The following SLC24A3 variants were observed in gnomAD, a reference collection of about 807,000 sequenced individuals.
SLC24A3 encodes the protein solute carrier family 24 member 3.
Under a neutral mutation model 75.8 loss-of-function variants are expected in SLC24A3, and 28 were observed. That is an observed-to-expected ratio of 0.37 (90% CI 0.27 to 0.51). The LOEUF is 0.51. SLC24A3 is among the 20% of genes least tolerant of loss of function. The probability of loss-of-function intolerance (pLI) is 0.94; values close to 1 mark genes in which losing one functional copy is unlikely to be tolerated. For synonymous variants in SLC24A3, 372 were observed against 334.1 expected, an observed-to-expected ratio of 1.11 and a Z score of -1.24; for missense variants, 663 against 847.8, an observed-to-expected ratio of 0.78 and a Z score of 2.71.
At chr20:19,313,555 G>A (rs1288305465) in intron 2 of SLC24A3, among the ~76,000 whole-genome samples, 1 of 152,204 alleles carries the variant, frequency 6.6e-6, no homozygotes, top group Non-Finnish European at 1.5e-5. Flanking sequence ...AGCCTGTTCT[G>A]GGTCAGTGGC....
At chr20:19,575,112 C>T (rs772399283) in intron 3 of SLC24A3, among the ~76,000 whole-genome samples, 4 of 151,836 alleles carry the variant, frequency 2.6e-5, no homozygotes, top group African/African-American at 4.8e-5. Flanking sequence ...AAATGAAGGG[C>T]GTGGTGGCAC....
chr20:19,357,368 C>T (rs4813353), intron 2 of SLC24A3, among the ~76,000 whole-genome samples: 51,769 of 151,978 alleles, frequency 0.34, 9,471 homozygotes, highest in Middle Eastern at 0.53. Context: ...TAATTTGTTC[C>T]GGAAGCCTAG....
rs368651686 is a variant in SLC24A3, at chr20:19,502,868, C to CAAA, written c.272-12599_272-12597dup. 6.9e-3 allele frequency among the ~76,000 whole-genome samples: 494 copies of CAAA among 72,106 alleles called. 9 individuals are homozygous for CAAA. The highest frequency in any genetic ancestry group is 0.019 in the South Asian group (35 of 1,862). 47.3% of individuals were successfully genotyped at this position (72,106 alleles called of 152,430 possible). A position where few individuals can be genotyped will look rare whatever the true frequency, so the allele number is the denominator to read the frequency against. On this transcript the variant is annotated intron_variant, in intron 2 of 16. Coordinates refer to ENST00000328041, the MANE Select transcript of SLC24A3 (RefSeq NM_020689.4). ...TGACATAGCAAGACCCTGTCTCTACCAAAAAAAAAAAAAAAAAAAAAAATA... is the reference window on the plus strand; with the variant it reads ...TGACATAGCAAGACCCTGTCTCTACCAAAAAAAAAAAAAAAAAAAAAAAAAATA...
chr20:19,462,401 C>T (rs955991706), intron 2 of SLC24A3, among the ~76,000 whole-genome samples: 6 of 151,880 alleles, frequency 4.0e-5, no homozygotes, highest in Admixed American at 6.6e-5. Flanking sequence ...GGACTACGGG[C>T]GCCTGACACC....
intron 1 of SLC24A3, among the ~76,000 whole-genome samples, chr20:19,252,707 T>C (rs1254603230): frequency 1.3e-5 from 2 of 151,228 alleles, no homozygotes; most frequent in Non-Finnish European, 2.9e-5. Context: ...GTACATTCAT[T>C]TGTATGTGAC....
intron 6 of SLC24A3, among the ~76,000 whole-genome samples, chr20:19,648,199 G>A (rs1325318523): frequency 6.6e-6 from 1 of 152,168 alleles, no homozygotes; most frequent in Non-Finnish European, 1.5e-5. Context: ...CTGAACTTCA[G>A]CACCACTTGG....
Position 19,696,670 on chromosome 20 carries a change from A to G in SLC24A3, c.1492-127A>G. 5 of 647,758 alleles carry G rather than the reference A, an allele frequency of 7.7e-6. No individual in the cohort carries two copies. The South Asian group carries it at 9.3e-5, about 12-fold the overall frequency. 40.1% of individuals were successfully genotyped at this position (647,758 alleles called of 1,614,324 possible). On this transcript the variant is annotated intron_variant, in intron 13 of 16. Coordinates refer to ENST00000328041, the MANE Select transcript of SLC24A3 (RefSeq NM_020689.4). ...TTTGTCACCCTCTGTATTGATACAGAGAGCAGACATTGCACCCCACAGAGA... is the reference window on the plus strand; with the variant it reads ...TTTGTCACCCTCTGTATTGATACAGGGAGCAGACATTGCACCCCACAGAGA...
chr20:19,459,223 A>G (rs540201421), intron 2 of SLC24A3, among the ~76,000 whole-genome samples: 13 of 152,336 alleles, frequency 8.5e-5, no homozygotes, highest in South Asian at 2.1e-4. Flanking sequence ...TTTTAAAGAG[A>G]TATTTAGCAT....
intron 6 of SLC24A3, among the ~76,000 whole-genome samples, chr20:19,620,962 C>G (rs951096976): frequency 6.6e-6 from 1 of 152,164 alleles, no homozygotes; most frequent in Non-Finnish European, 1.5e-5. Flanking sequence ...AGGCTTCTTA[C>G]TAGAAAAGTA....
chr20:19,229,616 TG>T (rs1167145754), intron 1 of SLC24A3, among the ~76,000 whole-genome samples: 1 of 88,720 alleles, frequency 1.1e-5, no homozygotes, highest in Non-Finnish European at 2.0e-5. Context: ...AGTGTGTGTG[TG>T]TATATATATA....
intron 2 of SLC24A3, among the ~76,000 whole-genome samples, chr20:19,286,389 A>G (rs754413660): frequency 3.3e-5 from 5 of 152,118 alleles, no homozygotes; most frequent in African/African-American, 1.2e-4. Flanking sequence ...AGCAGAAAAC[A>G]TGCGTTCAGG....
In SLC24A3 at chr20:19,212,724, A is replaced by G; in HGVS notation, c.-119A>G. ...GAGGCGGAGGCGGCGGCCGGGTGGG[A>G]GCGCAGCGAGGACGCGCGGCTGCTG... On this transcript the variant is annotated 5_prime_UTR_variant, in exon 1 of 17. Transcript: ENST00000328041. The G allele has an allele frequency of 1.3e-6, 1 of 793,464 alleles. No individual in the cohort carries two copies. Among genetic ancestry groups the G allele is most frequent in the Non-Finnish European group, 1.5e-6 (1 of 657,144 alleles). The allele number at this position is 793,464 out of a possible 1,614,324, so 49.2% of individuals were successfully genotyped here. A position where few individuals can be genotyped will look rare whatever the true frequency, so the allele number is the denominator to read the frequency against.
At chr20:19,236,228 A>G (rs1020361975) in intron 1 of SLC24A3, among the ~76,000 whole-genome samples, 8 of 152,226 alleles carry the variant, frequency 5.3e-5, no homozygotes, top group African/African-American at 1.9e-4. Flanking sequence ...ATGGGCATGT[A>G]CAGTCAAAAG....
intron 7 of SLC24A3, among the ~76,000 whole-genome samples, chr20:19,655,170 G>A (rs11699300): frequency 0.029 from 4,410 of 152,288 alleles, 80 homozygotes; most frequent in East Asian, 0.088. Context: ...TTGCCGGCCT[G>A]ACGCAGCAGC....
intron 3 of SLC24A3, among the ~76,000 whole-genome samples, chr20:19,567,910 T>C (rs1317029777): frequency 2.6e-5 from 4 of 152,286 alleles, no homozygotes; most frequent in African/African-American, 9.6e-5. Flanking sequence ...ATCCAGAATA[T>C]ATAAAGAGCC....
At chr20:19,349,363 T>C (rs567567272) in intron 2 of SLC24A3, among the ~76,000 whole-genome samples, 3 of 152,276 alleles carry the variant, frequency 2.0e-5, no homozygotes, top group Admixed American at 2.0e-4. Context: ...TTAGACACTG[T>C]CCATGCCTAG....
chr20:19,538,287 AG>A (rs2030436254), intron 3 of SLC24A3, among the ~76,000 whole-genome samples: 1 of 152,176 alleles, frequency 6.6e-6, no homozygotes, highest in Non-Finnish European at 1.5e-5. Flanking sequence ...TTTGATCGTC[AG>A]TGGGTAGATT....
intron 1 of SLC24A3, among the ~76,000 whole-genome samples, chr20:19,236,579 G>A (rs1478935239): frequency 3.3e-5 from 5 of 151,974 alleles, no homozygotes; most frequent in East Asian, 3.9e-4. Context: ...TAGCAAGACC[G>A]CAACTCTGCA....
chr20:19,311,769 T>G (rs368875070), intron 2 of SLC24A3, among the ~76,000 whole-genome samples: 3 of 152,178 alleles, frequency 2.0e-5, no homozygotes, highest in Non-Finnish European at 4.4e-5. Context: ...TTTTCCCCTA[T>G]GGCCAGCAGG....
Sources: allele counts gnomAD v4.1 joint callset (sites outside exome capture counted in the v4.1 genomes callset), GRCh38; gene constraint gnomAD v4.1.1; transcripts MANE v1.5; gene names NCBI Gene and HGNC (gene_info 2026-07-23, HGNC 2026-07-21).